QTMAN: variants seen among roughly 807,000 people sequenced by gnomAD.
QTMAN encodes the protein queuosine-tRNA mannosyltransferase.
the QTMAN span, among the ~76,000 whole-genome samples, chr2:144,181,099 G>A: frequency 6.6e-6 from 1 of 152,228 alleles, no homozygotes. Flanking sequence ...AAACAGATAG[G>A]TATCTGTTTG....
At chr2:143,996,373 C>CT in the QTMAN span, among the ~76,000 whole-genome samples, 1 of 152,070 alleles carries the variant, frequency 6.6e-6, no homozygotes, top group Non-Finnish European at 1.5e-5. Flanking sequence ...CCACCCCAAG[C>CT]AAACAGCAAT....
chr2:144,101,415 C>T, the QTMAN span, among the ~76,000 whole-genome samples: 1 of 151,028 alleles, frequency 6.6e-6, no homozygotes, highest in African/African-American at 2.4e-5. Flanking sequence ...CACACACACA[C>T]TACTTTACTG....
chr2:144,279,872 C>G, the QTMAN span, among the ~76,000 whole-genome samples: 1 of 152,026 alleles, frequency 6.6e-6, no homozygotes, highest in Non-Finnish European at 1.5e-5. Flanking sequence ...TCAATGGGCC[C>G]TCAATGAGTC....
the QTMAN span, among the ~76,000 whole-genome samples, chr2:144,186,100 C>A: frequency 6.6e-6 from 1 of 152,172 alleles, no homozygotes; most frequent in Non-Finnish European, 1.5e-5. Context: ...GAAGCCAGGA[C>A]AATGCCCAGA....
the QTMAN span, among the ~76,000 whole-genome samples, chr2:144,169,070 G>A: frequency 2.6e-5 from 4 of 152,048 alleles, no homozygotes; most frequent in Admixed American, 6.6e-5. Flanking sequence ...TAGGTTCAAT[G>A]TCCCTTATAA....
chr2:144,200,431 T>G, the QTMAN span, among the ~76,000 whole-genome samples: 1 of 152,232 alleles, frequency 6.6e-6, no homozygotes, highest in South Asian at 2.1e-4. Flanking sequence ...AGACCAGTGG[T>G]GTCCAATCTT....
the QTMAN span, among the ~76,000 whole-genome samples, chr2:144,259,962 GCACAGC>G: frequency 6.6e-6 from 1 of 152,100 alleles, no homozygotes; most frequent in African/African-American, 2.4e-5. Context: ...TGCAAATGTT[GCACAGC>G]GTGACAAGTT....
chr2:144,198,885 G>A, the QTMAN span, among the ~76,000 whole-genome samples: 2 of 152,044 alleles, frequency 1.3e-5, no homozygotes, highest in Admixed American at 1.3e-4. Flanking sequence ...AGCTTTTAAA[G>A]TTTCCAAACA....
At chr2:144,190,908 C>A in the QTMAN span, among the ~76,000 whole-genome samples, 5 of 152,194 alleles carry the variant, frequency 3.3e-5, no homozygotes, top group African/African-American at 9.7e-5. Flanking sequence ...AACAGCTAGA[C>A]CCCCATTATA....
chr2:144,077,014 A>G, the QTMAN span, among the ~76,000 whole-genome samples: 2 of 151,380 alleles, frequency 1.3e-5, no homozygotes, highest in Non-Finnish European at 2.9e-5. Flanking sequence ...TATAAACAAT[A>G]GATTAAAAAA....
the QTMAN span, among the ~76,000 whole-genome samples, chr2:144,190,570 A>G: frequency 6.6e-6 from 1 of 152,202 alleles, no homozygotes; most frequent in African/African-American, 2.4e-5. Context: ...TGCCTTTTAT[A>G]ACATATCAAA....
the QTMAN span, among the ~76,000 whole-genome samples, chr2:144,294,004 A>G: frequency 6.6e-6 from 1 of 152,296 alleles, no homozygotes; most frequent in African/African-American, 2.4e-5. Flanking sequence ...TTTGTCTCAG[A>G]AGCTGACCTA....
chr2:143,950,427 C>A, the QTMAN span, among the ~76,000 whole-genome samples: 1 of 151,624 alleles, frequency 6.6e-6, no homozygotes, highest in African/African-American at 2.4e-5. Context: ...CTAGAGGCAA[C>A]TTTTTGCAGT....
the QTMAN span, among the ~76,000 whole-genome samples, chr2:144,291,993 T>C: frequency 6.6e-6 from 1 of 152,206 alleles, no homozygotes; most frequent in Admixed American, 6.5e-5. Flanking sequence ...AACATTTGGT[T>C]TGAATTCTAG....
At chr2:143,994,063 A>G in the QTMAN span, among the ~76,000 whole-genome samples, 2 of 152,180 alleles carry the variant, frequency 1.3e-5, no homozygotes, top group African/African-American at 4.8e-5. Flanking sequence ...GAGCCATTCA[A>G]TACATGTTTG....
chr2:144,269,632 G>C, the QTMAN span, among the ~76,000 whole-genome samples: 1 of 151,770 alleles, frequency 6.6e-6, no homozygotes, highest in East Asian at 1.9e-4. Context: ...ATATGGAAGG[G>C]GTTCTAATGA....
At chr2:144,164,215 C>T in the QTMAN span, among the ~76,000 whole-genome samples, 4 of 152,066 alleles carry the variant, frequency 2.6e-5, no homozygotes, top group African/African-American at 9.7e-5. Context: ...TGAGCCACTG[C>T]ACCTGGCCAA....
chr2:144,131,710 ACTCT>A, the QTMAN span, among the ~76,000 whole-genome samples: 1 of 151,806 alleles, frequency 6.6e-6, no homozygotes, highest in Non-Finnish European at 1.5e-5. Context: ...CCTCTCACTC[ACTCT>A]AACTCACCTC....
the QTMAN span, among the ~76,000 whole-genome samples, chr2:144,228,067 G>C: frequency 1.3e-5 from 2 of 152,006 alleles, no homozygotes; most frequent in African/African-American, 4.8e-5. Flanking sequence ...TGAAATAAGA[G>C]GCAAAAGTAA....
Sources: allele counts gnomAD v4.1 joint callset (sites outside exome capture counted in the v4.1 genomes callset), GRCh38; gene constraint gnomAD v4.1.1; transcripts MANE v1.5; gene names NCBI Gene and HGNC (gene_info 2026-07-23, HGNC 2026-07-21).